PRKCE: variants seen among roughly 807,000 people sequenced by gnomAD.
PRKCE encodes protein kinase C epsilon.
Under a neutral mutation model 85.4 loss-of-function variants are expected in PRKCE, and 16 were observed. The ratio of observed to expected loss-of-function variants is 0.19; its 90% confidence interval spans 0.13 to 0.28. The LOEUF (loss-of-function observed/expected upper bound fraction) is 0.28, where lower values mean the gene tolerates loss of function less well. PRKCE is among the 10% of genes least tolerant of loss of function. The pLI, the probability that PRKCE is intolerant of heterozygous loss-of-function variation, is 1.00. For synonymous variants in PRKCE, 388 were observed against 371.5 expected (o/e 1.04, Z -0.51); for missense variants, 573 against 975.2 (o/e 0.59, Z 5.49).
chr2:45,684,221 G>A (rs1261880994), intron 1 of PRKCE, among the ~76,000 whole-genome samples: 3 of 152,216 alleles, frequency 2.0e-5, no homozygotes, highest in Non-Finnish European at 4.4e-5. Flanking sequence ...GTGAATATAA[G>A]GCAGTGGATT....
At chr2:45,968,178 C>T (rs367808424) in intron 2 of PRKCE, among the ~76,000 whole-genome samples, 1 of 151,986 alleles carries the variant, frequency 6.6e-6, no homozygotes, top group Non-Finnish European at 1.5e-5. Context: ...TCACTGTTAG[C>T]GATTCACAAC....
intron 10 of PRKCE, among the ~76,000 whole-genome samples, chr2:46,083,743 T>G (rs967607040): frequency 2.0e-5 from 3 of 152,120 alleles, no homozygotes; most frequent in African/African-American, 7.2e-5. Context: ...GATATCTGAG[T>G]TGGGGGGCTC....
chr2:45,745,427 A>G (rs899261548), intron 1 of PRKCE, among the ~76,000 whole-genome samples: 4 of 151,984 alleles, frequency 2.6e-5, no homozygotes, highest in African/African-American at 9.7e-5. Flanking sequence ...CCTGTTCTCA[A>G]CAACATTTCG....
intron 1 of PRKCE, among the ~76,000 whole-genome samples, chr2:45,805,572 A>G (rs1395192519): frequency 6.6e-6 from 1 of 151,194 alleles, no homozygotes; most frequent in Non-Finnish European, 1.5e-5. Flanking sequence ...GCTTATGCTA[A>G]GTATTTGCAT....
intron 1 of PRKCE, among the ~76,000 whole-genome samples, chr2:45,744,848 A>G (rs1683011224): frequency 6.6e-6 from 1 of 152,092 alleles, no homozygotes; most frequent in Non-Finnish European, 1.5e-5. Flanking sequence ...GCCTCAAGTG[A>G]TCCACCTGCC....
intron 1 of PRKCE, among the ~76,000 whole-genome samples, chr2:45,797,796 C>T (rs1029873191): frequency 1.3e-5 from 2 of 152,192 alleles, no homozygotes; most frequent in Non-Finnish European, 2.9e-5. Context: ...TGGCGCTTGG[C>T]GCTTTCAGCA....
chr2:45,884,999 A>ATTTT (rs1265565855), intron 2 of PRKCE, among the ~76,000 whole-genome samples: 6 of 63,266 alleles, frequency 9.5e-5, no homozygotes, highest in Non-Finnish European at 1.3e-4. Context: ...ATATATATAT[A>ATTTT]TATTTGTTGT....
intron 1 of PRKCE, among the ~76,000 whole-genome samples, chr2:45,790,799 T>A (rs1686973599): frequency 6.6e-6 from 1 of 152,238 alleles, no homozygotes; most frequent in Non-Finnish European, 1.5e-5. Flanking sequence ...TTCTGCACAA[T>A]CCTTGGAAGT....
At chr2:46,013,709 T>TGA (rs1705880546) in intron 10 of PRKCE, among the ~76,000 whole-genome samples, 1 of 152,246 alleles carries the variant, frequency 6.6e-6, no homozygotes, top group South Asian at 2.1e-4. Flanking sequence ...TGTTTAATTA[T>TGA]GACATACAGA....
intron 1 of PRKCE, among the ~76,000 whole-genome samples, chr2:45,794,084 A>C (rs1687230357): frequency 6.6e-6 from 1 of 152,192 alleles, no homozygotes; most frequent in African/African-American, 2.4e-5. Flanking sequence ...CAGCTAGAGA[A>C]GCAGGGAGAC....
intron 2 of PRKCE, among the ~76,000 whole-genome samples, chr2:45,878,542 C>T (rs1694644482): frequency 6.6e-6 from 1 of 152,156 alleles, no homozygotes; most frequent in African/African-American, 2.4e-5. Context: ...AAGTGACTCC[C>T]TGGGTTCTCA....
At chr2:46,183,345 TACTTATTA>T (rs1289339812) in intron 14 of PRKCE, among the ~76,000 whole-genome samples, 1 of 152,256 alleles carries the variant, frequency 6.6e-6, no homozygotes, top group African/African-American at 2.4e-5. Context: ...TTTCATGGAC[TACTTATTA>T]ACTTCTTTAG....
At chr2:46,170,283 G>A (rs1678764243) in intron 14 of PRKCE, among the ~76,000 whole-genome samples, 1 of 152,110 alleles carries the variant, frequency 6.6e-6, no homozygotes. Context: ...TATAAATGGA[G>A]CCACATAGCA....
intron 1 of PRKCE, among the ~76,000 whole-genome samples, chr2:45,673,548 G>T (rs535399082): frequency 1.3e-5 from 2 of 152,150 alleles, no homozygotes; most frequent in Non-Finnish European, 2.9e-5. Context: ...AAGTTAATAC[G>T]ACATATTTAG....
At chr2:45,950,021 A>G (rs1011537660) in intron 2 of PRKCE, among the ~76,000 whole-genome samples, 1 of 152,098 alleles carries the variant, frequency 6.6e-6, no homozygotes, top group Admixed American at 6.5e-5. Flanking sequence ...GTAGGATTTA[A>G]GTTGAAAATG....
chr2:46,117,067 A>C (rs1408195318), intron 11 of PRKCE, among the ~76,000 whole-genome samples: 1 of 152,264 alleles, frequency 6.6e-6, no homozygotes, highest in African/African-American at 2.4e-5. Context: ...GAAAGTGAAG[A>C]GAACAATTGA....
At chr2:45,672,833 TG>T (rs1676240730) in intron 1 of PRKCE, among the ~76,000 whole-genome samples, 1 of 152,118 alleles carries the variant, frequency 6.6e-6, no homozygotes. Context: ...GAGACCAGCC[TG>T]GGCAACGTAG....
At chr2:45,842,956 C>T in intron 1 of PRKCE, 44 bp from the exon 2 acceptor site, 2 of 1,579,336 alleles carry the variant, frequency 1.3e-6, no homozygotes, top group Non-Finnish European at 1.7e-6. Flanking sequence ...TTAGGTTGCC[C>T]ACACAATGCA....
rs539278325 is a variant in PRKCE at position 46,099,256 on chromosome 2, T to C, written c.1592+12894T>C. On this transcript the variant is annotated intron_variant, in intron 11 of 14. Transcript: ENST00000306156. Reference sequence around the variant, plus strand: ...AGCTTCCTCTCTGGGGTTTATATACTGATCTCTTTCTACCCCACAAGATGA... The same window carrying C: ...AGCTTCCTCTCTGGGGTTTATATACCGATCTCTTTCTACCCCACAAGATGA... Among the ~76,000 whole-genome samples the C allele has an allele frequency of 3.3e-5, 5 of 152,230 alleles. No individual in the cohort carries two copies. The South Asian group carries it at 6.2e-4, about 19-fold the overall frequency.
Sources: allele counts gnomAD v4.1 joint callset (sites outside exome capture counted in the v4.1 genomes callset), GRCh38; gene constraint gnomAD v4.1.1; transcripts MANE v1.5; gene names NCBI Gene and HGNC (gene_info 2026-07-23, HGNC 2026-07-21).